Variants in FBXL18 observed in about 807,000 individuals in gnomAD.
FBXL18 encodes the protein F-box/LRR-repeat protein 18.
FBXL18 carries 36 observed loss-of-function variants against 46.0 expected under a neutral mutation model. The ratio of observed to expected loss-of-function variants is 0.78; its 90% CI spans 0.60 to 1.03. The LOEUF (loss-of-function observed/expected upper bound fraction) is 1.03, where lower values mean the gene tolerates loss of function less well. Among genes scored for constraint, FBXL18 ranks in the 50% least tolerant of loss-of-function variants. The probability of loss-of-function intolerance (pLI) is 0.00; values close to 1 mark genes in which losing one functional copy is unlikely to be tolerated. For synonymous variants in FBXL18, 557 were observed against 465.3 expected, an observed-to-expected ratio of 1.20 and a Z score of -2.54; for missense variants, 977 against 1,004.1, an observed-to-expected ratio of 0.97 and a Z score of 0.36.
rs540279119 is a variant in FBXL18, at chr7:5,492,542, C to A, written c.1782-1093G>T. ...GCTAGTGTGGACTGAGCTGCGACGC[C>A]CCCCCACACACACACTATGCAGGAG... On this transcript the variant is annotated intron_variant, in intron 3 of 4. Transcript: ENST00000382368. 1.4e-4 allele frequency among the ~76,000 whole-genome samples: 22 copies of A among 152,022 alleles called. No individual in the cohort carries two copies. In the South Asian group the frequency reaches 3.3e-3, roughly 23 times the overall value.
At chr7:5,487,296 G>A (rs1366024951) in intron 4 of FBXL18, among the ~76,000 whole-genome samples, 5 of 152,260 alleles carry the variant, frequency 3.3e-5, no homozygotes, top group Admixed American at 3.3e-4. Flanking sequence ...TCCGTGGACG[G>A]GGCCTCTCCC....
rs758173796 is a variant in FBXL18 at position 5,505,458 on chromosome 7, A to C, written c.191T>G (p.Leu64Arg). The C allele has an allele frequency of 6.2e-7, 1 of 1,614,020 alleles. No individual in the cohort carries two copies. Among genetic ancestry groups the C allele is most frequent in the South Asian group, 1.1e-5 (1 of 91,082 alleles). The stretch of plus-strand genomic sequence containing the variant: ...CACGGTGTGGATGAGGCTCTTGTCA[A>C]GGCACAGGGCTGCAAGCTTCCGACA... ...RTCRKLAALC[L>R]DKSLIHTVLL... Residue 64 changes from leucine to arginine, a missense_variant, in exon 2 of 5, where the codon CTT becomes CGT. Leu to Arg is a moderately radical substitution (Grantham distance 102). Coordinates refer to ENST00000382368, the MANE Select transcript of FBXL18 (RefSeq NM_024963.6).
intron 4 of FBXL18, among the ~76,000 whole-genome samples, chr7:5,465,286 C>T (rs746293586): frequency 6.6e-6 from 1 of 151,446 alleles, no homozygotes; most frequent in Admixed American, 6.6e-5. Flanking sequence ...CTGCAACCTC[C>T]GCCTCCCTGG....
chr7:5,472,173 C>G (rs1783437180), downstream of FBXL18, among the ~76,000 whole-genome samples: 1 of 152,152 alleles, frequency 6.6e-6, no homozygotes, highest in Non-Finnish European at 1.5e-5. Flanking sequence ...GCCGCTGCCC[C>G]CACTACACCC....
chr7:5,494,435 C>CA (rs980392376), intron 3 of FBXL18, among the ~76,000 whole-genome samples: 102 of 151,694 alleles, frequency 6.7e-4, no homozygotes, highest in African/African-American at 2.2e-3. Context: ...CTGTCTCACA[C>CA]AAAAAAATAA....
chr7:5,480,146 T>C lies in FBXL18; in HGVS notation c.*1629A>G, dbSNP rs1210684982. Reference sequence around the variant, plus strand: ...GGAGGCCTGGGGATGGTGTACCCCATTTTTTAACAGCAAAGCAAATGTGAG... The same window carrying C: ...GGAGGCCTGGGGATGGTGTACCCCACTTTTTAACAGCAAAGCAAATGTGAG... On this transcript the variant is annotated 3_prime_UTR_variant, in exon 5 of 5. Coordinates refer to ENST00000382368, the MANE Select transcript of FBXL18 (RefSeq NM_024963.6). Among the ~76,000 whole-genome samples the C allele has an allele frequency of 6.6e-6, 1 of 152,154 alleles. No individual in the cohort carries two copies. Among genetic ancestry groups the C allele is most frequent in the Non-Finnish European group, 1.5e-5 (1 of 68,030 alleles).
intron 4 of FBXL18, 125 bp downstream of exon 4, chr7:5,491,106 C>CAA: frequency 1.1e-6 from 1 of 881,828 alleles, no homozygotes; most frequent in South Asian, 1.7e-5. Flanking sequence ...TTCACCCTGT[C>CAA]ACTGCCTGGT....
chr7:5,489,851 G>A, intron 4 of FBXL18: 1 of 444,828 alleles, frequency 2.2e-6, no homozygotes, highest in Non-Finnish European at 4.1e-6. Flanking sequence ...AGCTGCTCAG[G>A]AGGCTGAGGT....
At position 5,459,662 on chromosome 7, in the gene FBXL18, C is replaced by T. The variant is rs1348652898; in HGVS notation, c.2001-11819G>A. On this transcript the variant is annotated intron_variant and NMD_transcript_variant, in intron 4 of 6. Transcript: ENST00000415009. ...GGCTGAGGCAGGAGAATGGCGTGAACCTGGGAGGCAGAGCTTGCAGTGAGC... is the reference window on the plus strand; with the variant it reads ...GGCTGAGGCAGGAGAATGGCGTGAATCTGGGAGGCAGAGCTTGCAGTGAGC... 2.0e-5 allele frequency among the ~76,000 whole-genome samples: 3 copies of T among 151,736 alleles called. No homozygotes were observed. In the East Asian group the frequency reaches 5.8e-4, roughly 29 times the overall value.
chr7:5,494,203 C>G (rs1300591481), intron 3 of FBXL18, among the ~76,000 whole-genome samples: 3 of 151,318 alleles, frequency 2.0e-5, no homozygotes, highest in Non-Finnish European at 4.4e-5. Context: ...ACCTGGGAGG[C>G]AGAGGTTGCG....
At chr7:5,500,048 G>A (rs1045182466) in intron 3 of FBXL18, among the ~76,000 whole-genome samples, 2 of 150,628 alleles carry the variant, frequency 1.3e-5, no homozygotes, top group Non-Finnish European at 2.9e-5. Flanking sequence ...TTGGATGACA[G>A]AGCGAGACCC....
At chr7:5,505,298 T>C (rs989718011) in intron 2 of FBXL18, 114 bp downstream of exon 2, 8 of 986,386 alleles carry the variant, frequency 8.1e-6, no homozygotes, top group East Asian at 2.6e-5. Context: ...AGTCAGGACT[T>C]GGAGTTCCTG....
intron 4 of FBXL18, among the ~76,000 whole-genome samples, chr7:5,486,147 G>C (rs1046290847): frequency 6.6e-6 from 1 of 151,316 alleles, no homozygotes; most frequent in East Asian, 1.9e-4. Flanking sequence ...CCAGCTACTC[G>C]GGAGGCTGAG....
chr7:5,465,049 C>T (rs1000994781), intron 4 of FBXL18, among the ~76,000 whole-genome samples: 5 of 152,022 alleles, frequency 3.3e-5, no homozygotes, highest in Non-Finnish European at 7.4e-5. Flanking sequence ...GGCGACAGAA[C>T]GAAGCTCCAT....
chr7:5,483,453 A>G (rs1783697922), intron 4 of FBXL18, among the ~76,000 whole-genome samples: 1 of 150,348 alleles, frequency 6.7e-6, no homozygotes, highest in Non-Finnish European at 1.5e-5. Context: ...AAAAAGAAAA[A>G]AAAAATCGAG....
intron 1 of FBXL18, among the ~76,000 whole-genome samples, chr7:5,512,604 CA>C (rs2128239699): frequency 6.6e-6 from 1 of 152,102 alleles, no homozygotes; most frequent in African/African-American, 2.4e-5. Flanking sequence ...GACTCTGTCT[CA>C]AAAACAAAGA....
downstream of FBXL18, among the ~76,000 whole-genome samples, chr7:5,472,940 T>C (rs1419376919): frequency 9.2e-5 from 14 of 152,288 alleles, no homozygotes; most frequent in African/African-American, 3.1e-4. Flanking sequence ...GTCACTGTAA[T>C]GACAGTCTCA....
At chr7:5,511,362 T>G (rs1323840061) in intron 1 of FBXL18, among the ~76,000 whole-genome samples, 1 of 151,884 alleles carries the variant, frequency 6.6e-6, no homozygotes, top group African/African-American at 2.4e-5. Context: ...GCGGATCACC[T>G]GAGGTCAGTA....
chr7:5,507,792 C>T (rs984017755), intron 1 of FBXL18, among the ~76,000 whole-genome samples: 70 of 152,116 alleles, frequency 4.6e-4, no homozygotes, highest in African/African-American at 1.7e-3. Flanking sequence ...CAAGATCACA[C>T]CACTGCACTC....
Sources: allele counts gnomAD v4.1 joint callset (sites outside exome capture counted in the v4.1 genomes callset), GRCh38; gene constraint gnomAD v4.1.1; transcripts MANE v1.5; gene names NCBI Gene and HGNC (gene_info 2026-07-23, HGNC 2026-07-21).